The following ARHGAP27 variants were observed in gnomAD, a reference collection of about 807,000 sequenced individuals.
ARHGAP27 encodes the protein rho GTPase-activating protein 27.
ARHGAP27 carries 53 observed loss-of-function variants against 102.0 expected under a neutral mutation model. The ratio of observed to expected loss-of-function variants is 0.52; its 90% CI spans 0.42 to 0.65. The LOEUF (loss-of-function observed/expected upper bound fraction) is 0.65. Ranked by LOEUF, ARHGAP27 falls within the 30% of genes least tolerant of loss-of-function variation. The pLI is 0.00. For missense variants in ARHGAP27, 1,117 were observed against 1,256.2 expected, an observed-to-expected ratio of 0.89 and a Z score of 1.68; for synonymous variants, 525 against 542.8, an observed-to-expected ratio of 0.97 and a Z score of 0.46.
chr17:45,395,474 G>A lies in ARHGAP27; in HGVS notation c.2652C>T (p.Asp884=). The change falls in exon 20 of 20, where the codon GAC becomes GAT. Residue 884 remains aspartate (D), a synonymous_variant. Coordinates refer to ENST00000685559, the MANE Select transcript of ARHGAP27 (RefSeq NM_001282290.2). ...VVELILQQCA[D]IFPPH The stretch of plus-strand genomic sequence containing the variant: ...CCAGCAGTCAGTGCGGCGGGAAGAT[G>A]TCCGCGCACTGCTGCAGGATGAGCT... 6.4e-7 allele frequency: 1 copy of A among 1,565,852 alleles called. No homozygotes were observed. The highest frequency in any genetic ancestry group is 8.7e-7 in the Non-Finnish European group (1 of 1,154,546).
Position 45,404,696 on chromosome 17 carries a change from A to G in ARHGAP27, c.1249-15T>C. Reference sequence around the variant, plus strand: ...AGCCTCACCCACTGTGGGGAGAGGAATGGTCAGGGCCTCCAGCCCAGCTTA... The same window carrying G: ...AGCCTCACCCACTGTGGGGAGAGGAGTGGTCAGGGCCTCCAGCCCAGCTTA... On this transcript the variant is annotated splice_polypyrimidine_tract_variant and intron_variant, in intron 6 of 19. Coordinates refer to ENST00000685559, the MANE Select transcript of ARHGAP27 (RefSeq NM_001282290.2). 6.2e-7 allele frequency: 1 copy of G among 1,605,828 alleles called. No homozygotes were observed. The highest frequency in any genetic ancestry group is 8.5e-7 in the Non-Finnish European group (1 of 1,176,908).
At chr17:45,422,718 T>C (rs186668231) in intron 4 of ARHGAP27, among the ~76,000 whole-genome samples, 2 of 152,262 alleles carry the variant, frequency 1.3e-5, no homozygotes, top group East Asian at 3.9e-4. Flanking sequence ...CAGAAGAGCT[T>C]TATAGAGAAA....
chr17:45,432,029 C>G (rs1280222082), intron 2 of ARHGAP27, among the ~76,000 whole-genome samples, 187 bp downstream of exon 2: 3 of 150,150 alleles, frequency 2.0e-5, no homozygotes, highest in Admixed American at 1.3e-4. Flanking sequence ...CCCCACCCCC[C>G]GGGATTTGCT....
intron 4 of ARHGAP27, chr17:45,429,387 C>G: frequency 5.9e-6 from 8 of 1,353,648 alleles, no homozygotes; most frequent in Non-Finnish European, 7.6e-6. Flanking sequence ...AATTGGATTA[C>G]GAAAAGCCTC....
intron 4 of ARHGAP27, chr17:45,429,305 G>C (rs2145079919): frequency 2.3e-6 from 2 of 884,340 alleles, no homozygotes; most frequent in Non-Finnish European, 3.1e-6. Flanking sequence ...AGCGAAACAT[G>C]AATATTCACA....
At chr17:45,426,937 C>G (rs1186660018) in intron 4 of ARHGAP27, among the ~76,000 whole-genome samples, 2 of 152,152 alleles carry the variant, frequency 1.3e-5, no homozygotes, top group African/African-American at 4.8e-5. Context: ...ACTTCTTGGC[C>G]TCTGAGCCAG....
intron 4 of ARHGAP27, among the ~76,000 whole-genome samples, chr17:45,412,668 G>A (rs538527888): frequency 2.0e-4 from 30 of 152,290 alleles, no homozygotes; most frequent in African/African-American, 6.5e-4. Context: ...ATGTCCACAC[G>A]ACAGGTCCCT....
intron 4 of ARHGAP27, chr17:45,410,405 C>A (rs760902850): frequency 8.4e-6 from 10 of 1,191,776 alleles, no homozygotes; most frequent in Middle Eastern, 2.3e-4. Flanking sequence ...GCCGAGATGG[C>A]GGGAGGCTGA....
At chr17:45,413,298 G>A (rs2048108694) in intron 4 of ARHGAP27, among the ~76,000 whole-genome samples, 1 of 152,090 alleles carries the variant, frequency 6.6e-6, no homozygotes, top group South Asian at 2.1e-4. Flanking sequence ...TTATTGCATG[G>A]ATGTGGGGTG....
intron 2 of ARHGAP27, 63 bp downstream of exon 2, chr17:45,432,153 C>G (rs2050100474): frequency 3.8e-5 from 8 of 207,834 alleles, no homozygotes; most frequent in Middle Eastern, 4.9e-4. Flanking sequence ...CCTGAATCAC[C>G]CACTGCGAGC....
In ARHGAP27 at chr17:45,430,042, C is replaced by A. The variant is rs1233447846; in HGVS notation, c.238G>T (p.Gly80Cys). ...LGNPAAAAPPGPHPSPAAPEP... is the reference protein window; with the variant it reads ...LGNPAAAAPPCPHPSPAAPEP... Reference sequence around the variant, plus strand: ...GGGGCCGCGGGGCTCGGGTGGGGACCTGGCGGCGCGGCGGCGGCAGGGTTG... The same window carrying A: ...GGGGCCGCGGGGCTCGGGTGGGGACATGGCGGCGCGGCGGCGGCAGGGTTG... The change falls in exon 4 of 20, where the codon GGT (glycine) becomes TGT (cysteine). Residue 80 changes from glycine to cysteine, a missense_variant. Transcript: ENST00000685559. This position sits in a 1 kb window ranked among gnomAD's most constrained non-coding sequence, Gnocchi z 4.4. 1 of 1,257,818 alleles carries A rather than the reference C, an allele frequency of 8.0e-7. No individual in the cohort carries two copies. Among genetic ancestry groups the A allele is most frequent in the Admixed American group, 4.5e-5 (1 of 22,236 alleles). 77.9% of individuals were successfully genotyped at this position (1,257,818 alleles called of 1,614,324 possible).
chr17:45,412,503 C>T (rs567415045), intron 4 of ARHGAP27, among the ~76,000 whole-genome samples: 22 of 152,328 alleles, frequency 1.4e-4, no homozygotes, highest in Non-Finnish European at 2.1e-4. Context: ...GCAAAATGAA[C>T]GCCTCCAAAC....
rs35471470 is a variant in ARHGAP27 at position 45,414,902 on chromosome 17, CA to C, written c.658-8820del. 1.5e-3 allele frequency among the ~76,000 whole-genome samples: 141 copies of C among 92,934 alleles called. 1 individual carries two copies. The highest frequency in any genetic ancestry group is 4.1e-3 in the African/African-American group (92 of 22,356). The allele number at this position is 92,934 out of a possible 152,430, so 61.0% of individuals were successfully genotyped here. On this transcript the variant is annotated intron_variant, in intron 4 of 19. Transcript: ENST00000685559. ...GAAACCCCATCTCTACTAAAAATAC[CA>C]AAAAAAAAAAAAAAAAAAAAATAGG... is the stretch of plus-strand genomic sequence containing the variant.
chr17:45,403,663 G>A lies in ARHGAP27; in HGVS notation c.1594C>T (p.Leu532=). The A allele has an allele frequency of 6.2e-7, 1 of 1,614,040 alleles. No homozygotes were observed. Among genetic ancestry groups the A allele is most frequent in the Middle Eastern group, 1.7e-4 (1 of 6,002 alleles). ...ASWTVLEGGV[L]TFFKDSKTSA... ...GTCTTTGAGTCCTTGAAGAATGTCA[G>A]GACGCCACCCTCCAGCACAGTCCAG... Residue 532 remains leucine, a synonymous_variant, in exon 11 of 20, where the codon CTG becomes TTG. Coordinates refer to ENST00000685559, the MANE Select transcript of ARHGAP27 (RefSeq NM_001282290.2).
At chr17:45,425,553 C>T (rs1031842502) in intron 4 of ARHGAP27, 6 of 985,212 alleles carry the variant, frequency 6.1e-6, no homozygotes, top group African/African-American at 5.2e-5. Context: ...CCCCCAGGGG[C>T]GAGGACTCAC....
chr17:45,409,954 C>T, intron 4 of ARHGAP27: 1 of 451,992 alleles, frequency 2.2e-6, no homozygotes, highest in Non-Finnish European at 3.9e-6. Flanking sequence ...GGACCTGGCT[C>T]TCAGGCTCCA....
In ARHGAP27 at chr17:45,430,056, G is replaced by A; in HGVS notation, c.224C>T (p.Ala75Val). 7.8e-7 allele frequency: 1 copy of A among 1,280,646 alleles called. No homozygotes were observed. Among genetic ancestry groups the A allele is most frequent in the Non-Finnish European group, 9.8e-7 (1 of 1,017,146 alleles). The allele number at this position is 1,280,646 out of a possible 1,614,324, so 79.3% of individuals were successfully genotyped here. Residue 75 changes from alanine (A) to valine (V), a missense_variant, in exon 4 of 20, where the codon GCC becomes GTC. Coordinates refer to ENST00000685559, the MANE Select transcript of ARHGAP27 (RefSeq NM_001282290.2). This position sits in a 1 kb window ranked among gnomAD's most constrained non-coding sequence, Gnocchi z 4.4. ...CGGGTGGGGACCTGGCGGCGCGGCG[G>A]CGGCAGGGTTGCCCAGCGCGGGCAG... is the stretch of plus-strand genomic sequence containing the variant. Reference protein sequence around the residue: ...RELPALGNPAAAAPPGPHPSP... With the variant: ...RELPALGNPAVAAPPGPHPSP...
chr17:45,403,433 G>A (rs2046704038), intron 11 of ARHGAP27, among the ~76,000 whole-genome samples, 186 bp downstream of exon 11: 2 of 152,180 alleles, frequency 1.3e-5, no homozygotes. Context: ...GGTGGCACAT[G>A]CCTGTAGTCC....
At chr17:45,416,648 A>G (rs546108274) in intron 4 of ARHGAP27, among the ~76,000 whole-genome samples, 78 of 151,144 alleles carry the variant, frequency 5.2e-4, no homozygotes, top group African/African-American at 1.8e-3. Context: ...TCCCAGGTTC[A>G]AGCAATTCTC....
Sources: allele counts gnomAD v4.1 joint callset (sites outside exome capture counted in the v4.1 genomes callset), GRCh38; gene constraint gnomAD v4.1.1; non-coding constraint Gnocchi (gnomAD v3.1); transcripts MANE v1.5; gene names NCBI Gene and HGNC (gene_info 2026-07-23, HGNC 2026-07-21).